DYTN: variants seen among roughly 807,000 people sequenced by gnomAD.
DYTN encodes dystrotelin.
Under a neutral mutation model 69.6 loss-of-function variants are expected in DYTN, and 75 were observed. The observed-to-expected ratio is 1.08, with a 90% CI of 0.89 to 1.31. The LOEUF (loss-of-function observed/expected upper bound fraction) is 1.31, where lower values mean the gene tolerates loss of function less well. DYTN is among the 50% of genes most tolerant of loss of function. DYTN has a pLI of 0.00. For synonymous variants in DYTN, 252 were observed against 249.1 expected, an observed-to-expected ratio of 1.01 and a Z score of -0.11; for missense variants, 726 against 688.4, an observed-to-expected ratio of 1.05 and a Z score of -0.61.
chr2:206,691,995 C>A (rs1286678664), intron 9 of DYTN, among the ~76,000 whole-genome samples: 1 of 152,060 alleles, frequency 6.6e-6, no homozygotes, highest in Non-Finnish European at 1.5e-5. Flanking sequence ...AGTGATGAGG[C>A]TGGGCATGGT....
At chr2:206,669,996 G>A (rs1699612883) in intron 9 of DYTN, among the ~76,000 whole-genome samples, 1 of 152,192 alleles carries the variant, frequency 6.6e-6, no homozygotes, top group Admixed American at 6.5e-5. Flanking sequence ...TCTTACTGGG[G>A]AGCCAGGAAT....
chr2:206,695,397 A>G (rs1699909609), intron 7 of DYTN, among the ~76,000 whole-genome samples: 1 of 152,262 alleles, frequency 6.6e-6, no homozygotes, highest in Non-Finnish European at 1.5e-5. Context: ...AAATTTAAAA[A>G]TAAGCACTCG....
chr2:206,715,523 T>A (rs1700118358), intron 1 of DYTN, among the ~76,000 whole-genome samples: 1 of 152,210 alleles, frequency 6.6e-6, no homozygotes, highest in Non-Finnish European at 1.5e-5. Context: ...CAGAAGCATC[T>A]TTCTTTCAGC....
intron 9 of DYTN, among the ~76,000 whole-genome samples, chr2:206,666,765 G>A (rs992693730): frequency 3.2e-4 from 45 of 141,380 alleles, no homozygotes; most frequent in African/African-American, 1.1e-3. Context: ...GTGTGTGTGT[G>A]TGTGTTATCT....
intron 9 of DYTN, among the ~76,000 whole-genome samples, chr2:206,675,115 A>ATATGTGTGTGTG (rs1553573104): frequency 3.4e-4 from 45 of 131,544 alleles, no homozygotes; most frequent in African/African-American, 1.3e-3. Context: ...ATATATATAT[A>ATATGTGTGTGTG]TGTGTGTGTG....
At chr2:206,653,514 A>G (rs1699411187) in intron 11 of DYTN, among the ~76,000 whole-genome samples, 1 of 152,236 alleles carries the variant, frequency 6.6e-6, no homozygotes, top group Non-Finnish European at 1.5e-5. Context: ...ATGTAATTAA[A>G]AGTCTATCTA....
Position 206,651,713 on chromosome 2 carries a change from C to A in DYTN, c.*105G>T. ...AACAAAACCTGTTTTCTTCATAGTT[C>A]ACACTAAACTATTAAAAGAAAGGTA... On this transcript the variant is annotated 3_prime_UTR_variant, in exon 12 of 12. Transcript: ENST00000452335. The A allele has an allele frequency of 9.7e-7, 1 of 1,034,942 alleles. No individual in the cohort carries two copies. Among genetic ancestry groups the A allele is most frequent in the Admixed American group, 2.4e-5 (1 of 42,058 alleles). 64.1% of individuals were successfully genotyped at this position (1,034,942 alleles called of 1,614,324 possible). A position where few individuals can be genotyped will look rare whatever the true frequency, so the allele number is the denominator to read the frequency against.
Position 206,710,531 on chromosome 2 carries a change from C to T in DYTN, c.87G>A (p.Leu29=). 1 of 1,610,994 alleles carries T rather than the reference C, an allele frequency of 6.2e-7. No homozygotes were observed. ...AGGAGAGCCTATACTTACACTGGCA[C>T]AGAGTTTGCACTGATTGTAATTTGA... ...TAFKLQSVQT[L]CQLDLIDSSL... is the part of the protein sequence containing the mutation. Residue 29 remains leucine (L), a synonymous_variant, in exon 2 of 12, where the codon CTG becomes CTA. Coordinates refer to ENST00000452335, the MANE Select transcript of DYTN (RefSeq NM_001093730.1).
intron 9 of DYTN, among the ~76,000 whole-genome samples, chr2:206,667,286 T>A (rs1699583994): frequency 6.6e-6 from 1 of 152,156 alleles, no homozygotes; most frequent in Non-Finnish European, 1.5e-5. Context: ...TCCTCGCTCC[T>A]CTTTGAACAC....
chr2:206,716,169 T>G (rs1700128841), intron 1 of DYTN, among the ~76,000 whole-genome samples: 3 of 152,100 alleles, frequency 2.0e-5, no homozygotes, highest in Admixed American at 6.5e-5. Flanking sequence ...CAAGGTACAG[T>G]GCCTTGATTT....
chr2:206,679,198 A>G (rs1209456238), intron 9 of DYTN: 1 of 152,224 alleles, frequency 6.6e-6, no homozygotes, highest in East Asian at 1.9e-4. Flanking sequence ...AGAAAGTTGT[A>G]GCAACTTTTA....
chr2:206,714,944 C>CTT (rs373615386), intron 1 of DYTN, among the ~76,000 whole-genome samples: 1 of 145,598 alleles, frequency 6.9e-6, no homozygotes, highest in Non-Finnish European at 1.5e-5. Flanking sequence ...GCCTAAATTT[C>CTT]TTTTTTTTTT....
Position 206,693,028 on chromosome 2 carries a change from G to GA in DYTN, c.980+146dup, listed in dbSNP as rs1029818626. 1.2e-5 allele frequency: 15 copies of GA among 1,226,480 alleles called. No homozygotes were observed. In the South Asian group the frequency reaches 2.3e-4, roughly 19 times the overall value. 76.0% of individuals were successfully genotyped at this position (1,226,480 alleles called of 1,614,324 possible). The stretch of plus-strand genomic sequence containing the variant: ...TTGAAATTAAAGGCCCTTTTTAGAG[G>GA]AAAAAAATATCTGAAGTCCAACCCT... On this transcript the variant is annotated intron_variant, in intron 9 of 11. Coordinates refer to ENST00000452335, the MANE Select transcript of DYTN (RefSeq NM_001093730.1).
chr2:206,691,763 G>A (rs1256181360), intron 9 of DYTN, among the ~76,000 whole-genome samples: 1 of 152,018 alleles, frequency 6.6e-6, no homozygotes, highest in Non-Finnish European at 1.5e-5. Context: ...CCTTTAAAGA[G>A]CCATAAAAAC....
chr2:206,687,387 C>G (rs1699823129), intron 9 of DYTN: 1 of 152,282 alleles, frequency 6.6e-6, no homozygotes. Flanking sequence ...CCACAGCAGC[C>G]AACACTTCTG....
chr2:206,712,139 A>T (rs1447864566), intron 1 of DYTN, among the ~76,000 whole-genome samples: 2 of 152,228 alleles, frequency 1.3e-5, no homozygotes, highest in African/African-American at 4.8e-5. Flanking sequence ...AACCAACCAC[A>T]GCAGCAACAT....
intron 11 of DYTN, 124 bp downstream of exon 11, chr2:206,662,779 T>A (rs1699527103): frequency 7.1e-7 from 1 of 1,403,932 alleles, no homozygotes; most frequent in South Asian, 1.4e-5. Flanking sequence ...TGATAACCAA[T>A]AGATTCAGAG....
At chr2:206,652,422 T>C (rs1699398001) in intron 11 of DYTN, among the ~76,000 whole-genome samples, 1 of 152,094 alleles carries the variant, frequency 6.6e-6, no homozygotes, top group Non-Finnish European at 1.5e-5. Context: ...TCTGTCATAA[T>C]AGGAATTGTG....
At chr2:206,715,022 G>A (rs1394442644) in intron 1 of DYTN, among the ~76,000 whole-genome samples, 2 of 151,922 alleles carry the variant, frequency 1.3e-5, no homozygotes, top group Admixed American at 6.6e-5. Context: ...TGAAGGAACA[G>A]ATGTCTAAGA....
Sources: gnomAD v4.1 joint callset for allele counts (sites outside exome capture counted in the v4.1 genomes callset) on GRCh38, gnomAD v4.1.1 for gene constraint, MANE v1.5 for transcripts, NCBI Gene and HGNC (gene_info 2026-07-23, HGNC 2026-07-21) for gene names.